Variants in SERP1 observed in about 807,000 individuals in gnomAD.
SERP1 encodes the protein stress associated endoplasmic reticulum protein 1.
In SERP1, 6 loss-of-function variants were observed where a neutral mutation model predicts 8.8. That is an observed-to-expected ratio of 0.68 (90% CI 0.37 to 1.35). The LOEUF is 1.35. Ranked by LOEUF, SERP1 falls within the 40% of genes most tolerant of loss-of-function variation. The pLI is 0.02. For synonymous variants in SERP1, 36 were observed against 28.7 expected (o/e 1.25, Z -0.81); for missense variants, 52 against 86.2 (o/e 0.60, Z 1.57).
chr3:150,545,859 G>T, intron 1 of SERP1, 81 bp from the exon 2 acceptor site: 1 of 1,450,390 alleles, frequency 6.9e-7, no homozygotes. Context: ...GCCGGTCGCC[G>T]GCCCCCTCAC....
chr3:150,545,317 A>G (rs1044726663), intron 2 of SERP1: 2 of 314,028 alleles, frequency 6.4e-6, no homozygotes, highest in East Asian at 5.2e-5. Flanking sequence ...AGATTCTGGT[A>G]TATGTTAAAT....
At position 150,546,118 on chromosome 3, in the gene SERP1, C is replaced by A; in HGVS notation, c.18G>T (p.Arg6Ser). The change falls in exon 1 of 3, where the codon AGG becomes AGT. Residue 6 changes from arginine to serine, a missense_variant. Transcript: ENST00000239944. MVAKQRIRMANEKHSK... is the reference protein window; with the variant it reads MVAKQSIRMANEKHSK... ...TGTGCTTCTCGTTGGCCATACGGATCCTTTGCTTGGCGACCATCTTCGCGG... is the reference window on the plus strand; with the variant it reads ...TGTGCTTCTCGTTGGCCATACGGATACTTTGCTTGGCGACCATCTTCGCGG... 6.2e-7 allele frequency: 1 copy of A among 1,613,648 alleles called. No homozygotes were observed. Among genetic ancestry groups the A allele is most frequent in the Non-Finnish European group, 8.5e-7 (1 of 1,179,874 alleles).
rs1196219758 is a variant in SERP1 at position 150,542,474 on chromosome 3, A to G, written c.*1984T>C. 1.3e-5 allele frequency: 2 copies of G among 152,242 alleles called. No homozygotes were observed. The highest frequency in any genetic ancestry group is 4.8e-5 in the African/African-American group (2 of 41,478). The allele number at this position is 152,242 out of a possible 1,614,324, so 9.4% of individuals were successfully genotyped here. A position where few individuals can be genotyped will look rare whatever the true frequency, so the allele number is the denominator to read the frequency against. On this transcript the variant is annotated 3_prime_UTR_variant, in exon 3 of 3. Coordinates refer to ENST00000239944, the MANE Select transcript of SERP1 (RefSeq NM_014445.4). ...TACTAACTATAAAAGGTACACTCAGATAACTGTAAAATCATTTCCGTTTAG... is the reference window on the plus strand; with the variant it reads ...TACTAACTATAAAAGGTACACTCAGGTAACTGTAAAATCATTTCCGTTTAG...
rs567778615 is a variant in SERP1 at position 150,543,098 on chromosome 3, T to C, written c.*1360A>G. On this transcript the variant is annotated 3_prime_UTR_variant, in exon 3 of 3. Coordinates refer to ENST00000239944, the MANE Select transcript of SERP1 (RefSeq NM_014445.4). Reference sequence around the variant, plus strand: ...TATAGACTAGGTAGCAGATTTCCCTTCTGTTCCTCTTAAAACAGCTTATTT... The same window carrying C: ...TATAGACTAGGTAGCAGATTTCCCTCCTGTTCCTCTTAAAACAGCTTATTT... 6.5e-6 allele frequency: 1 copy of C among 152,714 alleles called. No individual in the cohort carries two copies. The highest frequency in any genetic ancestry group is 1.5e-5 in the Non-Finnish European group (1 of 68,010). The allele number at this position is 152,714 out of a possible 1,614,324, so 9.5% of individuals were successfully genotyped here.
Position 150,542,092 on chromosome 3 carries a change from T to C in SERP1, c.*2366A>G, listed in dbSNP as rs1722886080. ...ATTTTTGGAAGTCCACTTAATTATT[T>C]TGAGCAACATTATATACAACCCAAC... On this transcript the variant is annotated 3_prime_UTR_variant, in exon 3 of 3. Transcript: ENST00000239944. 6.6e-6 allele frequency: 1 copy of C among 152,250 alleles called. No homozygotes were observed. Among genetic ancestry groups the C allele is most frequent in the African/African-American group, 2.4e-5 (1 of 41,466 alleles). 9.4% of individuals were successfully genotyped at this position (152,250 alleles called of 1,614,324 possible).
rs1722894866 is a variant in SERP1, at chr3:150,542,433, C to G, written c.*2025G>C. On this transcript the variant is annotated 3_prime_UTR_variant, in exon 3 of 3. Coordinates refer to ENST00000239944, the MANE Select transcript of SERP1 (RefSeq NM_014445.4). ...CCATTTAAGTACAATACTAAACATT[C>G]TTTAAAATCATTTTCTACTAACTAT... 1 of 152,198 alleles carries G rather than the reference C, an allele frequency of 6.6e-6. No individual in the cohort carries two copies. The highest frequency in any genetic ancestry group is 1.5e-5 in the Non-Finnish European group (1 of 68,032). The allele number at this position is 152,198 out of a possible 1,614,324, so 9.4% of individuals were successfully genotyped here. A position where few individuals can be genotyped will look rare whatever the true frequency, so the allele number is the denominator to read the frequency against.
chr3:150,544,618 A>G (rs1331961290), intron 2 of SERP1, 120 bp from the exon 3 acceptor site: 5 of 703,388 alleles, frequency 7.1e-6, no homozygotes, highest in Admixed American at 2.6e-5. Flanking sequence ...CAAATGGTAC[A>G]TAACTTCAGT....
At chr3:150,545,080 C>T (rs1186118428) in intron 2 of SERP1, among the ~76,000 whole-genome samples, 3 of 151,844 alleles carry the variant, frequency 2.0e-5, no homozygotes, top group East Asian at 1.9e-4. Context: ...GAGGAAAGAC[C>T]TTTTTTTTGT....
Position 150,546,395 on chromosome 3 carries a change from G to GCGCCGCCGTCGCCGCCGCTTTGGC in SERP1, c.-284_-261dup, listed in dbSNP as rs1723025395. The GCGCCGCCGTCGCCGCCGCTTTGGC allele has an allele frequency of 1.8e-6, 1 of 561,210 alleles. No individual in the cohort carries two copies. The highest frequency in any genetic ancestry group is 2.0e-5 in the African/African-American group (1 of 50,994). 34.8% of individuals were successfully genotyped at this position (561,210 alleles called of 1,614,324 possible). A position where few individuals can be genotyped will look rare whatever the true frequency, so the allele number is the denominator to read the frequency against. On this transcript the variant is annotated 5_prime_UTR_variant, in exon 1 of 3. Coordinates refer to ENST00000239944, the MANE Select transcript of SERP1 (RefSeq NM_014445.4). ...GAGAACTGGCCGCCGGGTCGTTCTC[G>GCGCCGCCGTCGCCGCCGCTTTGGC]CGCCGCCGTCGCCGCCGCTTTGGCC...
rs943090141 is a variant in SERP1 at position 150,546,494 on chromosome 3, T to C, written c.-359A>G. On this transcript the variant is annotated 5_prime_UTR_variant, in exon 1 of 3. Coordinates refer to ENST00000239944, the MANE Select transcript of SERP1 (RefSeq NM_014445.4). Reference sequence around the variant, plus strand: ...GGGAATGTGCAGCCCGCCGCCTCGATCTACTTTGGGTTCGGCTGCCAACGT... The same window carrying C: ...GGGAATGTGCAGCCCGCCGCCTCGACCTACTTTGGGTTCGGCTGCCAACGT... The C allele has an allele frequency of 1.9e-5, 11 of 571,130 alleles. No individual in the cohort carries two copies. Among genetic ancestry groups the C allele is most frequent in the Non-Finnish European group, 1.9e-5 (6 of 321,532 alleles). The allele number at this position is 571,130 out of a possible 1,614,324, so 35.4% of individuals were successfully genotyped here.
At chr3:150,545,605 G>T in intron 2 of SERP1, 98 bp downstream of exon 2, 1 of 1,153,414 alleles carries the variant, frequency 8.7e-7, no homozygotes, top group Non-Finnish European at 1.3e-6. Flanking sequence ...GGTGGGTTGA[G>T]AACTACGCAG....
rs1162977436 is a variant in SERP1, at chr3:150,543,391, AAATCCAT to A, written c.*1060_*1066del. 1 of 152,656 alleles carries A rather than the reference AAATCCAT, an allele frequency of 6.6e-6. No individual in the cohort carries two copies. The highest frequency in any genetic ancestry group is 1.5e-5 in the Non-Finnish European group (1 of 68,032). The allele number at this position is 152,656 out of a possible 1,614,324, so 9.5% of individuals were successfully genotyped here. ...AGACTAAAGACTGATCATTATCAGTAAATCCATTCAATTCCAGATGCCACTTTAGGCT... is the reference window on the plus strand; with the variant it reads ...AGACTAAAGACTGATCATTATCAGTATCAATTCCAGATGCCACTTTAGGCT... On this transcript the variant is annotated 3_prime_UTR_variant, in exon 3 of 3. Coordinates refer to ENST00000239944, the MANE Select transcript of SERP1 (RefSeq NM_014445.4).
intron 2 of SERP1, 128 bp downstream of exon 2, chr3:150,545,575 A>C: frequency 1.2e-6 from 1 of 869,354 alleles, no homozygotes; most frequent in Non-Finnish European, 1.9e-6. Flanking sequence ...ACGAAACAGA[A>C]TTATGTGGAG....
At chr3:150,545,809 G>T in intron 1 of SERP1, 31 bp from the exon 2 acceptor site, 1 of 1,582,230 alleles carries the variant, frequency 6.3e-7, no homozygotes, top group Non-Finnish European at 8.6e-7. Flanking sequence ...CATTTCAGAT[G>T]CAGAGAAACC....
Position 150,544,289 on chromosome 3 carries a change from ACTTGGAATGACTCATGAAGAAAC to A in SERP1, c.*146_*168del. 1.6e-6 allele frequency: 1 copy of A among 636,056 alleles called. No homozygotes were observed. The highest frequency in any genetic ancestry group is 2.0e-5 in the South Asian group (1 of 49,884). The allele number at this position is 636,056 out of a possible 1,614,324, so 39.4% of individuals were successfully genotyped here. A position where few individuals can be genotyped will look rare whatever the true frequency, so the allele number is the denominator to read the frequency against. The stretch of plus-strand genomic sequence containing the variant: ...AAGGCACTGTGGTATGGACTAGAAA[ACTTGGAATGACTCATGAAGAAAC>A]CTTGGAATGACACATGAAGCATGAT... On this transcript the variant is annotated 3_prime_UTR_variant, in exon 3 of 3. Transcript: ENST00000239944.
chr3:150,545,783 A>C lies in SERP1; in HGVS notation c.85-5T>G. 1 of 1,602,780 alleles carries C rather than the reference A, an allele frequency of 6.2e-7. No individual in the cohort carries two copies. The highest frequency in any genetic ancestry group is 8.5e-7 in the Non-Finnish European group (1 of 1,173,740). On this transcript the variant is annotated splice_polypyrimidine_tract_variant and splice_region_variant and intron_variant, in intron 1 of 2. Transcript: ENST00000239944. ...CTTCTCTTCGGGGGCATTTCTCTGC[A>C]AAAGCGAAAATCCACCATTTCAGAT...
Position 150,544,588 on chromosome 3 carries a change from C to G in SERP1, c.161-90G>C, listed in dbSNP as rs981993542. 29 of 1,020,372 alleles carry G rather than the reference C, an allele frequency of 2.8e-5. 1 individual carries two copies. The South Asian group carries it at 4.1e-4, about 15-fold the overall frequency. The allele number at this position is 1,020,372 out of a possible 1,614,324, so 63.2% of individuals were successfully genotyped here. A position where few individuals can be genotyped will look rare whatever the true frequency, so the allele number is the denominator to read the frequency against. On this transcript the variant is annotated intron_variant, in intron 2 of 2. Coordinates refer to ENST00000239944, the MANE Select transcript of SERP1 (RefSeq NM_014445.4). ...TATTTATTAAGGTAGCTGAAGAATCCAAAGGTACTCTTACATTTGCAAATG... is the reference window on the plus strand; with the variant it reads ...TATTTATTAAGGTAGCTGAAGAATCGAAAGGTACTCTTACATTTGCAAATG...
chr3:150,544,592 G>A, intron 2 of SERP1, 94 bp from the exon 3 acceptor site: 2 of 989,268 alleles, frequency 2.0e-6, no homozygotes. Context: ...AGAATCCAAA[G>A]GTACTCTTAC....
At chr3:150,544,590 A>C in intron 2 of SERP1, 92 bp from the exon 3 acceptor site, 1 of 1,015,920 alleles carries the variant, frequency 9.8e-7, no homozygotes, top group East Asian at 2.4e-5. Flanking sequence ...GAAGAATCCA[A>C]AGGTACTCTT....
Sources: allele counts gnomAD v4.1 joint callset (sites outside exome capture counted in the v4.1 genomes callset), GRCh38; gene constraint gnomAD v4.1.1; transcripts MANE v1.5; gene names NCBI Gene and HGNC (gene_info 2026-07-23, HGNC 2026-07-21).